Variants in CMTM4 observed in about 807,000 individuals in gnomAD.
CMTM4 encodes CKLF-like MARVEL transmembrane domain-containing protein 4.
A neutral mutation model predicts 19.0 loss-of-function variants in CMTM4; 8 were observed. The observed-to-expected ratio is 0.42, with a 90% CI of 0.25 to 0.76. The LOEUF (loss-of-function observed/expected upper bound fraction) is 0.76. CMTM4 is among the 30% of genes least tolerant of loss of function. CMTM4 has a pLI of 0.27. For missense variants in CMTM4, 228 were observed against 290.2 expected (o/e 0.79, Z 1.56); for synonymous variants, 106 against 121.1 (o/e 0.88, Z 0.82).
At chr16:66,662,384 A>G (rs1349576729) in intron 1 of CMTM4, among the ~76,000 whole-genome samples, 1 of 152,230 alleles carries the variant, frequency 6.6e-6, no homozygotes, top group Non-Finnish European at 1.5e-5. Flanking sequence ...CCCAGAAAAG[A>G]GAGCCTGGTA....
intron 1 of CMTM4, among the ~76,000 whole-genome samples, chr16:66,637,613 T>C (rs968443847): frequency 2.6e-5 from 4 of 152,196 alleles, no homozygotes; most frequent in African/African-American, 7.2e-5. Context: ...TAAGAGTTCA[T>C]AGATCATAAA....
chr16:66,620,299 G>A lies in CMTM4; in HGVS notation c.*1759C>T, dbSNP rs560297434. On this transcript the variant is annotated 3_prime_UTR_variant, in exon 4 of 4. Coordinates refer to ENST00000394106, the MANE Select transcript of CMTM4 (RefSeq NM_181521.3). ...GACCTGACAGGCAGCACACCCAGCT[G>A]TGAGCTGGCCTGGCTGCCCTCTCTG... is the stretch of plus-strand genomic sequence containing the variant. 2,426 of 985,482 alleles carry A rather than the reference G, an allele frequency of 2.5e-3. 4 individuals carry two copies. The highest frequency in any genetic ancestry group is 5.7e-3 in the Middle Eastern group (11 of 1,914). 61.0% of individuals were successfully genotyped at this position (985,482 alleles called of 1,614,324 possible). A position where few individuals can be genotyped will look rare whatever the true frequency, so the allele number is the denominator to read the frequency against.
chr16:66,677,141 G>A (rs2016822667), intron 1 of CMTM4, among the ~76,000 whole-genome samples: 1 of 152,178 alleles, frequency 6.6e-6, no homozygotes, highest in Admixed American at 6.5e-5. Flanking sequence ...GAGCCTGAGG[G>A]TCTAGGACCA....
chr16:66,649,448 C>CTATCCA (rs1555500109), intron 1 of CMTM4, among the ~76,000 whole-genome samples: 1 of 122,876 alleles, frequency 8.1e-6, no homozygotes, highest in African/African-American at 3.8e-5. Context: ...GATTCCTTCT[C>CTATCCA]TCTATCTATC....
intron 1 of CMTM4, among the ~76,000 whole-genome samples, chr16:66,673,660 C>T (rs117803741): frequency 6.6e-5 from 10 of 152,286 alleles, no homozygotes; most frequent in East Asian, 1.9e-4. Flanking sequence ...GATTGTGTTT[C>T]CCACTGCAAA....
intron 1 of CMTM4, among the ~76,000 whole-genome samples, chr16:66,679,705 T>C (rs759225113): frequency 6.6e-6 from 1 of 151,162 alleles, no homozygotes; most frequent in Non-Finnish European, 1.5e-5. Context: ...GTGCCTGTAA[T>C]CCCAGCTACT....
chr16:66,608,781 A>G, the CMTM4 span, among the ~76,000 whole-genome samples: 1 of 152,156 alleles, frequency 6.6e-6, no homozygotes, highest in Non-Finnish European at 1.5e-5. This position sits in a 1 kb window ranked among gnomAD's most constrained non-coding sequence, Gnocchi z 5.1. Flanking sequence ...AATTCAAGCC[A>G]TTTCCACGTG....
chr16:66,683,282 TTTTC>T (rs1466977350), intron 1 of CMTM4, among the ~76,000 whole-genome samples: 2 of 137,978 alleles, frequency 1.4e-5, no homozygotes, highest in African/African-American at 2.6e-5. Flanking sequence ...CATTTTTTTC[TTTTC>T]TTTTTTTTTT....
chr16:66,605,036 G>C, the CMTM4 span: 68 of 1,229,668 alleles, frequency 5.5e-5, no homozygotes, highest in Non-Finnish European at 6.9e-5. This position sits in a 1 kb window ranked among gnomAD's most constrained non-coding sequence, Gnocchi z 4.6. Context: ...GGTGGGGTCC[G>C]GGGGCGGCCG....
In CMTM4 at chr16:66,621,567, C is replaced by T. The variant is rs2015634976; in HGVS notation, c.*491G>A. 1 of 988,876 alleles carries T rather than the reference C, an allele frequency of 1.0e-6. No individual in the cohort carries two copies. Among genetic ancestry groups the T allele is most frequent in the African/African-American group, 1.7e-5 (1 of 57,292 alleles). The allele number at this position is 988,876 out of a possible 1,614,324, so 61.3% of individuals were successfully genotyped here. A position where few individuals can be genotyped will look rare whatever the true frequency, so the allele number is the denominator to read the frequency against. On this transcript the variant is annotated 3_prime_UTR_variant, in exon 4 of 4. Coordinates refer to ENST00000394106, the MANE Select transcript of CMTM4 (RefSeq NM_181521.3). ...TGGCCTTTGGGCTGGTGCTGGCTGC[C>T]TGGGGGCCCTGGCATGGAAGATGAG...
At position 66,615,882 on chromosome 16, in the gene CMTM4, A is replaced by G. The variant is rs1291544666; in HGVS notation, c.*6176T>C. On this transcript the variant is annotated 3_prime_UTR_variant, in exon 4 of 4. Coordinates refer to ENST00000394106, the MANE Select transcript of CMTM4 (RefSeq NM_181521.3). The surrounding 1 kb of genome is among the most constrained non-coding windows in gnomAD (Gnocchi z 4.9). ...GGTGAGCAGTGGCTCCAAACTGAGCAAGTGGTTAAAAAATGCCAAATGCAA... is the reference window on the plus strand; with the variant it reads ...GGTGAGCAGTGGCTCCAAACTGAGCGAGTGGTTAAAAAATGCCAAATGCAA... 6.6e-6 allele frequency: 1 copy of G among 152,232 alleles called. No homozygotes were observed. Among genetic ancestry groups the G allele is most frequent in the East Asian group, 1.9e-4 (1 of 5,196 alleles). 9.4% of individuals were successfully genotyped at this position (152,232 alleles called of 1,614,324 possible). A position where few individuals can be genotyped will look rare whatever the true frequency, so the allele number is the denominator to read the frequency against.
chr16:66,617,635 CCAGA>C lies in CMTM4; in HGVS notation c.*4419_*4422del. ...CAAATATTTTAAATTACTTTCTCAA[CCAGA>C]CAGTTCTTGTGACTTGAATGATATC... On this transcript the variant is annotated 3_prime_UTR_variant, in exon 4 of 4. Transcript: ENST00000394106. The C allele has an allele frequency of 8.7e-7, 1 of 1,156,006 alleles. No homozygotes were observed. Among genetic ancestry groups the C allele is most frequent in the Non-Finnish European group, 1.1e-6 (1 of 932,382 alleles). 71.6% of individuals were successfully genotyped at this position (1,156,006 alleles called of 1,614,324 possible).
In CMTM4 at chr16:66,618,682, C is replaced by T. The variant is rs1049315989; in HGVS notation, c.*3376G>A. On this transcript the variant is annotated 3_prime_UTR_variant, in exon 4 of 4. Coordinates refer to ENST00000394106, the MANE Select transcript of CMTM4 (RefSeq NM_181521.3). ...TGGAGCTTGGTCTCCTCAGGCTTAA[C>T]CCAAGGCTGACTCACTAGGACAGCT... 26 of 985,402 alleles carry T rather than the reference C, an allele frequency of 2.6e-5. No homozygotes were observed. The East Asian group carries it at 4.5e-4, about 17-fold the overall frequency. 61.0% of individuals were successfully genotyped at this position (985,402 alleles called of 1,614,324 possible).
chr16:66,619,599 A>G lies in CMTM4; in HGVS notation c.*2459T>C, dbSNP rs2015591835. The G allele has an allele frequency of 3.0e-6, 3 of 985,258 alleles. 1 individual carries two copies. Among genetic ancestry groups the G allele is most frequent in the Admixed American group, 1.2e-4 (2 of 16,250 alleles). 61.0% of individuals were successfully genotyped at this position (985,258 alleles called of 1,614,324 possible). On this transcript the variant is annotated 3_prime_UTR_variant, in exon 4 of 4. Transcript: ENST00000394106. ...TCTTCTGTTTGCATATAGAGGCAAT[A>G]TAAGAAAAATATAGGCGTCTTCATA...
intron 2 of CMTM4, among the ~76,000 whole-genome samples, chr16:66,625,546 A>G (rs355951): frequency 0.71 from 107,772 of 151,990 alleles, 39,496 homozygotes; most frequent in African/African-American, 0.91. Flanking sequence ...GTAGTGAGTG[A>G]AGAATGAGAT....
chr16:66,654,261 C>T lies in CMTM4; in HGVS notation c.187-17680G>A, dbSNP rs2016360137. ...AACCAGCCAAGATAAGTCTTGTTAA[C>T]AGCAGAGTTGGGGTTCAAATCTGGA... is the stretch of plus-strand genomic sequence containing the variant. On this transcript the variant is annotated intron_variant, in intron 1 of 3. Coordinates refer to ENST00000394106, the MANE Select transcript of CMTM4 (RefSeq NM_181521.3). Among the ~76,000 whole-genome samples the T allele has an allele frequency of 2.6e-5, 4 of 152,148 alleles. No individual in the cohort carries two copies. In the South Asian group the frequency reaches 8.3e-4, roughly 31 times the overall value.
chr16:66,658,839 G>A (rs2053954756), intron 1 of CMTM4, among the ~76,000 whole-genome samples: 1 of 152,032 alleles, frequency 6.6e-6, no homozygotes, highest in African/African-American at 2.4e-5. Flanking sequence ...TCTAGCTCGT[G>A]AGCATCAGTA....
At position 66,622,113 on chromosome 16, in the gene CMTM4, C is replaced by T; in HGVS notation, c.572G>A (p.Arg191His). 6.2e-6 allele frequency: 10 copies of T among 1,602,774 alleles called. No homozygotes were observed. Among genetic ancestry groups the T allele is most frequent in the African/African-American group, 4.0e-5 (3 of 74,922 alleles). Residue 191 changes from arginine (R) to histidine (H), a missense_variant, in exon 4 of 4, where the codon CGC becomes CAC. Transcript: ENST00000394106. This position sits in a 1 kb window ranked among gnomAD's most constrained non-coding sequence, Gnocchi z 4.0. ...QQSTNDYIRARTESRDVDSRP... is the reference protein window; with the variant it reads ...QQSTNDYIRAHTESRDVDSRP... ...ACTGTCCACATCCCTGGACTCCGTGCGGGCTCGGATGTAGTCATTGGTGCT... is the reference window on the plus strand; with the variant it reads ...ACTGTCCACATCCCTGGACTCCGTGTGGGCTCGGATGTAGTCATTGGTGCT...
At chr16:66,650,469 T>A (rs771383693) in intron 1 of CMTM4, among the ~76,000 whole-genome samples, 2 of 152,194 alleles carry the variant, frequency 1.3e-5, no homozygotes, top group Admixed American at 6.5e-5. Context: ...CCTGGCCCTT[T>A]CCCTTACAGA....
Sources: allele counts gnomAD v4.1 joint callset (sites outside exome capture counted in the v4.1 genomes callset), GRCh38; gene constraint gnomAD v4.1.1; non-coding constraint Gnocchi (gnomAD v3.1); transcripts MANE v1.5; gene names NCBI Gene and HGNC (gene_info 2026-07-23, HGNC 2026-07-21).